The following MTBP variants were observed in gnomAD, a reference collection of about 807,000 sequenced individuals.
MTBP encodes mdm2-binding protein.
Under a neutral mutation model 117.0 loss-of-function variants are expected in MTBP, and 101 were observed. The observed-to-expected ratio is 0.86, with a 90% CI of 0.73 to 1.02. MTBP has a LOEUF of 1.02. Ranked by LOEUF, MTBP falls within the 50% of genes least tolerant of loss-of-function variation. The probability of loss-of-function intolerance (pLI) is 0.00; values close to 1 mark genes in which losing one functional copy is unlikely to be tolerated. For missense variants in MTBP, 970 were observed against 1,030.9 expected (o/e 0.94, Z 0.81); for synonymous variants, 350 against 351.5 (o/e 1.00, Z 0.05).
At chr8:120,509,908 T>C in intron 16 of MTBP, 26 bp from the exon 17 acceptor site, 3 of 1,532,854 alleles carry the variant, frequency 2.0e-6, no homozygotes, top group Non-Finnish European at 2.7e-6. Flanking sequence ...AAACTTTGAA[T>C]ACAAATGAAA....
At chr8:120,446,918 C>T (rs933056235) in intron 2 of MTBP, among the ~76,000 whole-genome samples, 1 of 152,152 alleles carries the variant, frequency 6.6e-6, no homozygotes, top group African/African-American at 2.4e-5. Context: ...TTCTGATTCT[C>T]TTAAAAGTAC....
intron 11 of MTBP, among the ~76,000 whole-genome samples, chr8:120,481,698 T>G (rs1382752500): frequency 6.6e-6 from 1 of 152,224 alleles, no homozygotes; most frequent in Non-Finnish European, 1.5e-5. Context: ...AACTGGATCA[T>G]AGTGATGGAT....
intron 18 of MTBP, 103 bp from the exon 19 acceptor site, chr8:120,517,748 T>G: frequency 1.1e-5 from 13 of 1,194,638 alleles, no homozygotes; most frequent in Non-Finnish European, 1.3e-5. Flanking sequence ...AACTTCGATG[T>G]TGATTCACTT....
intron 11 of MTBP, chr8:120,472,620 T>C (rs781066640): frequency 6.6e-6 from 1 of 152,198 alleles, no homozygotes; most frequent in Non-Finnish European, 1.5e-5. Flanking sequence ...CCTTGCCACA[T>C]GGTCTTCTCA....
intron 11 of MTBP, among the ~76,000 whole-genome samples, chr8:120,481,567 G>T (rs543027035): frequency 3.3e-5 from 5 of 152,218 alleles, no homozygotes; most frequent in African/African-American, 1.2e-4. Context: ...ATTATTTATT[G>T]TCAGATCATA....
chr8:120,466,091 C>T (rs1813683934), intron 10 of MTBP, among the ~76,000 whole-genome samples: 1 of 151,784 alleles, frequency 6.6e-6, no homozygotes, highest in Non-Finnish European at 1.5e-5. Context: ...AACTATGTTC[C>T]CAGTTCAATG....
chr8:120,509,839 G>T, intron 16 of MTBP, 95 bp from the exon 17 acceptor site: 1 of 799,848 alleles, frequency 1.3e-6, no homozygotes, highest in Non-Finnish European at 2.0e-6. Flanking sequence ...CAATTGTAGA[G>T]GAAAAAGTCA....
intron 11 of MTBP, among the ~76,000 whole-genome samples, chr8:120,476,563 A>G (rs12549554): frequency 0.54 from 81,312 of 151,956 alleles, 24,817 homozygotes; most frequent in Non-Finnish European, 0.67. Flanking sequence ...CAAAGTCTCA[A>G]GATACAAAAT....
chr8:120,519,211 T>C (rs1240830411), intron 20 of MTBP, among the ~76,000 whole-genome samples: 1 of 151,016 alleles, frequency 6.6e-6, no homozygotes, highest in African/African-American at 2.4e-5. Flanking sequence ...GCTGCATCTG[T>C]ACTGAACATG....
At chr8:120,453,239 C>T (rs1204173978) in intron 4 of MTBP, among the ~76,000 whole-genome samples, 3 of 152,004 alleles carry the variant, frequency 2.0e-5, no homozygotes, top group African/African-American at 7.2e-5. Flanking sequence ...TAACCTGAGC[C>T]CAGGAGTTTG....
chr8:120,501,104 TGGCGTG>T, intron 14 of MTBP, among the ~76,000 whole-genome samples: 1 of 142,838 alleles, frequency 7.0e-6, no homozygotes. Context: ...GGCAGGAGAA[TGGCGTG>T]AACCTGGGAG....
At chr8:120,514,741 A>T (rs1405162391) in intron 17 of MTBP, among the ~76,000 whole-genome samples, 2 of 152,092 alleles carry the variant, frequency 1.3e-5, no homozygotes, top group Non-Finnish European at 1.5e-5. Context: ...ATAGTAACAT[A>T]CATTTCTTGA....
chr8:120,519,904 A>G lies in MTBP; in HGVS notation c.2610+1087A>G, dbSNP rs186547760. Among the ~76,000 whole-genome samples, 3 of 152,262 alleles carry G rather than the reference A, an allele frequency of 2.0e-5. No individual in the cohort carries two copies. In the East Asian group the frequency reaches 5.8e-4, roughly 29 times the overall value. ...TCCCCAAATGTTCACTACAAGGTCT[A>G]TCATGCATAGGTTTTTCCACCCACC... is the stretch of plus-strand genomic sequence containing the variant. On this transcript the variant is annotated intron_variant, in intron 20 of 21. Coordinates refer to ENST00000305949, the MANE Select transcript of MTBP (RefSeq NM_022045.5).
In MTBP at chr8:120,490,460, C is replaced by T. The variant is rs200527539; in HGVS notation, c.1340-3C>T. The T allele has an allele frequency of 7.8e-4, 1,228 of 1,570,102 alleles. 6 individuals carry two copies. The highest frequency in any genetic ancestry group is 3.2e-3 in the Middle Eastern group (19 of 5,914). On this transcript the variant is annotated splice_polypyrimidine_tract_variant and splice_region_variant and intron_variant, in intron 12 of 21. Coordinates refer to ENST00000305949, the MANE Select transcript of MTBP (RefSeq NM_022045.5). ...TTGACCTTTTTTTTTTCTTATTTCT[C>T]AGGTTTTCCTTTTGACTTATTATCA...
chr8:120,498,462 G>A (rs1586963981), intron 14 of MTBP, among the ~76,000 whole-genome samples: 1 of 152,158 alleles, frequency 6.6e-6, no homozygotes, highest in Admixed American at 6.5e-5. Context: ...TAGCTCCATG[G>A]TTATAGCATG....
Position 120,517,831 on chromosome 8 carries a change from T to G in MTBP, c.2247-20T>G. The G allele has an allele frequency of 6.3e-7, 1 of 1,596,258 alleles. No individual in the cohort carries two copies. Among genetic ancestry groups the G allele is most frequent in the Non-Finnish European group, 8.5e-7 (1 of 1,170,322 alleles). ...GATTCGCTTAATCTACGTTCTTGAT[T>G]TTTTTCCCCTGCTATATAGACTTGT... On this transcript the variant is annotated intron_variant, in intron 18 of 21. Coordinates refer to ENST00000305949, the MANE Select transcript of MTBP (RefSeq NM_022045.5).
intron 14 of MTBP, among the ~76,000 whole-genome samples, chr8:120,500,199 G>C (rs934885273): frequency 2.6e-5 from 4 of 151,776 alleles, no homozygotes; most frequent in Non-Finnish European, 5.9e-5. Flanking sequence ...TTTTAAAGCA[G>C]TGTTCTTGGT....
In MTBP at chr8:120,490,470, T is replaced by G. The variant is rs201708088; in HGVS notation, c.1347T>G (p.Pro449=). The change falls in exon 13 of 22, where the codon CCT becomes CCG. Residue 449 remains proline, a synonymous_variant. Transcript: ENST00000305949. The part of the protein sequence containing the change: ...TKTEEAKLSF[P]FDLLSLPHFS... ...TTTTTTCTTATTTCTCAGGTTTTCCTTTTGACTTATTATCACTTCCACATT... is the reference window on the plus strand; with the variant it reads ...TTTTTTCTTATTTCTCAGGTTTTCCGTTTGACTTATTATCACTTCCACATT... 7.3e-5 allele frequency: 116 copies of G among 1,598,816 alleles called. No homozygotes were observed. The highest frequency in any genetic ancestry group is 1.7e-4 in the Middle Eastern group (1 of 6,034).
intron 11 of MTBP, among the ~76,000 whole-genome samples, chr8:120,477,891 T>A (rs995284819): frequency 6.6e-6 from 1 of 152,126 alleles, no homozygotes; most frequent in Admixed American, 6.5e-5. Flanking sequence ...GACCCAGCCA[T>A]CCCATTACTG....
Sources: gnomAD v4.1 joint callset for allele counts (sites outside exome capture counted in the v4.1 genomes callset) on GRCh38, gnomAD v4.1.1 for gene constraint, MANE v1.5 for transcripts, NCBI Gene and HGNC (gene_info 2026-07-23, HGNC 2026-07-21) for gene names.